The following DAB1 variants were observed in gnomAD, a reference collection of about 807,000 sequenced individuals.
The protein encoded by DAB1 is disabled homolog 1.
A neutral mutation model predicts 64.6 loss-of-function variants in DAB1; 15 were observed. The ratio of observed to expected loss-of-function variants is 0.23; its 90% confidence interval spans 0.16 to 0.36. The LOEUF (loss-of-function observed/expected upper bound fraction) is 0.36, where lower values mean the gene tolerates loss of function less well. Among genes scored for constraint, DAB1 ranks in the 10% least tolerant of loss-of-function variants. The pLI, the probability that DAB1 is intolerant of heterozygous loss-of-function variation, is 1.00. For missense variants in DAB1, 596 were observed against 706.7 expected (o/e 0.84, Z 1.78); for synonymous variants, 235 against 251.9 (o/e 0.93, Z 0.64).
At chr1:57,157,661 T>A (rs1044070025) in intron 2 of DAB1, among the ~76,000 whole-genome samples, 15 of 152,156 alleles carry the variant, frequency 9.9e-5, no homozygotes, top group African/African-American at 3.4e-4. Context: ...TACTCTACTT[T>A]CATGATGTCA....
chr1:58,534,863 G>A (rs1439126867), intron 1 of DAB1, among the ~76,000 whole-genome samples: 1 of 152,220 alleles, frequency 6.6e-6, no homozygotes, highest in East Asian at 1.9e-4. Context: ...TTGAGTCTAG[G>A]AGGTGGAGGT....
At chr1:57,678,837 G>A (rs1369467236) in intron 6 of DAB1, among the ~76,000 whole-genome samples, 2 of 146,922 alleles carry the variant, frequency 1.4e-5, no homozygotes, top group Non-Finnish European at 3.0e-5. Context: ...AGAGATCTTG[G>A]CTCACTGCAA....
chr1:58,117,171 G>A (rs551166407), intron 5 of DAB1, among the ~76,000 whole-genome samples: 16 of 152,098 alleles, frequency 1.1e-4, no homozygotes, highest in Admixed American at 3.3e-4. Context: ...AATGCACACC[G>A]GATATTTCTA....
At chr1:57,762,952 A>G (rs375300204) in intron 6 of DAB1, among the ~76,000 whole-genome samples, 23 of 152,362 alleles carry the variant, frequency 1.5e-4, no homozygotes, top group African/African-American at 5.5e-4. Flanking sequence ...TAGACGTCAG[A>G]CATGCAGAAG....
chr1:57,888,209 G>T (rs1644255046), upstream of DAB1, among the ~76,000 whole-genome samples: 1 of 152,028 alleles, frequency 6.6e-6, no homozygotes, highest in African/African-American at 2.4e-5. Flanking sequence ...ATTTTATGGT[G>T]GGTGACTGAC....
At chr1:58,068,960 C>T (rs1649050598) in intron 5 of DAB1, among the ~76,000 whole-genome samples, 1 of 152,096 alleles carries the variant, frequency 6.6e-6, no homozygotes, top group South Asian at 2.1e-4. Flanking sequence ...ACGAGGCTTT[C>T]AGGGCTCTGA....
At chr1:58,047,901 A>G (rs1238461091) in intron 5 of DAB1, 8 of 370,644 alleles carry the variant, frequency 2.2e-5, no homozygotes, top group Admixed American at 8.1e-5. Context: ...AATCAACAGC[A>G]TGGGTGCAAA....
intron 5 of DAB1, among the ~76,000 whole-genome samples, chr1:57,962,884 C>A (rs1230862795): frequency 6.7e-6 from 1 of 149,660 alleles, no homozygotes. Flanking sequence ...AAAAAAAAAA[C>A]AAAACAAAAA....
intron 5 of DAB1, among the ~76,000 whole-genome samples, chr1:58,120,407 T>A (rs1439108139): frequency 6.6e-6 from 1 of 152,174 alleles, no homozygotes; most frequent in Non-Finnish European, 1.5e-5. Flanking sequence ...GAGTTTGGAA[T>A]AAGCCTGGCC....
chr1:58,472,604 G>A (rs541974049), intron 3 of DAB1, among the ~76,000 whole-genome samples: 20 of 152,096 alleles, frequency 1.3e-4, no homozygotes, highest in African/African-American at 3.4e-4. Context: ...GTGGGGAGGG[G>A]GCCTCCCCAG....
At chr1:57,743,512 T>C (rs1648103055) in intron 6 of DAB1, among the ~76,000 whole-genome samples, 1 of 152,230 alleles carries the variant, frequency 6.6e-6, no homozygotes. Flanking sequence ...AACAGCCATG[T>C]TGCTCACAGA....
At chr1:57,814,222 A>G (rs1466756637) in intron 6 of DAB1, among the ~76,000 whole-genome samples, 3 of 152,220 alleles carry the variant, frequency 2.0e-5, no homozygotes, top group Non-Finnish European at 4.4e-5. Context: ...GTGTCTTTCT[A>G]TGTGACATTT....
chr1:58,133,958 G>C (rs981770265), intron 5 of DAB1, among the ~76,000 whole-genome samples: 10 of 152,174 alleles, frequency 6.6e-5, no homozygotes, highest in Non-Finnish European at 1.0e-4. Flanking sequence ...CACAGGACCT[G>C]TATCCTCAAT....
chr1:58,421,008 G>A (rs1265148694), intron 3 of DAB1, among the ~76,000 whole-genome samples: 1 of 152,000 alleles, frequency 6.6e-6, no homozygotes, highest in Non-Finnish European at 1.5e-5. Context: ...CTCTTTCAAG[G>A]GCTACAAACT....
chr1:57,721,055 T>G (rs559988163), intron 6 of DAB1, among the ~76,000 whole-genome samples: 21 of 152,298 alleles, frequency 1.4e-4, no homozygotes, highest in African/African-American at 4.8e-4. Flanking sequence ...AATTTTCTAG[T>G]CAACTTTTTT....
At chr1:57,455,163 G>T (rs1412931559) in intron 7 of DAB1, among the ~76,000 whole-genome samples, 1 of 152,100 alleles carries the variant, frequency 6.6e-6, no homozygotes, top group Non-Finnish European at 1.5e-5. Context: ...CATGTGCAGA[G>T]GACTTTGCAT....
At chr1:57,930,505 C>T (rs1273310576) in intron 5 of DAB1, among the ~76,000 whole-genome samples, 1 of 152,184 alleles carries the variant, frequency 6.6e-6, no homozygotes, top group Non-Finnish European at 1.5e-5. Flanking sequence ...GTCTTCCTAG[C>T]CATGAACATG....
intron 6 of DAB1, among the ~76,000 whole-genome samples, chr1:57,739,966 AG>A (rs1379488119): frequency 6.7e-6 from 1 of 148,616 alleles, no homozygotes; most frequent in Non-Finnish European, 1.5e-5. Context: ...AGGCCAAGGC[AG>A]GTGGATCACT....
intron 6 of DAB1, among the ~76,000 whole-genome samples, chr1:57,820,700 C>G (rs895473460): frequency 1.3e-5 from 2 of 152,176 alleles, no homozygotes; most frequent in Non-Finnish European, 2.9e-5. Context: ...CCTTTCCCCT[C>G]TTTGCCATAC....
Sources: allele counts gnomAD v4.1 joint callset (sites outside exome capture counted in the v4.1 genomes callset), GRCh38; gene constraint gnomAD v4.1.1; transcripts MANE v1.5; gene names NCBI Gene and HGNC (gene_info 2026-07-23, HGNC 2026-07-21).